DPP6: variants seen among roughly 807,000 people sequenced by gnomAD.
The protein encoded by DPP6 is dipeptidyl peptidase like 6, also known as A-type potassium channel modulatory protein DPP6.
A neutral mutation model predicts 122.6 loss-of-function variants in DPP6; 69 were observed. The observed-to-expected ratio is 0.56, with a 90% CI of 0.46 to 0.69. The LOEUF is 0.69. Ranked by LOEUF, DPP6 falls within the 30% of genes least tolerant of loss-of-function variation. The probability of loss-of-function intolerance (pLI) is 0.00; values close to 1 mark genes in which losing one functional copy is unlikely to be tolerated. For synonymous variants in DPP6, 418 were observed against 433.1 expected (o/e 0.97, Z 0.43); for missense variants, 928 against 1,116.9 (o/e 0.83, Z 2.41).
intron 1 of DPP6, among the ~76,000 whole-genome samples, chr7:154,307,528 A>G (rs1585887744): frequency 6.6e-6 from 1 of 152,048 alleles, no homozygotes; most frequent in East Asian, 1.9e-4. Flanking sequence ...AACAGCAGAG[A>G]TAAGATAAGC....
At chr7:154,597,132 G>T (rs1283467309) in intron 5 of DPP6, among the ~76,000 whole-genome samples, 1 of 151,140 alleles carries the variant, frequency 6.6e-6, no homozygotes, top group African/African-American at 2.4e-5. Flanking sequence ...TGTGATTTGA[G>T]TACAGTGAGA....
chr7:153,886,903 G>C (rs964007313), upstream of DPP6, among the ~76,000 whole-genome samples: 2 of 152,222 alleles, frequency 1.3e-5, no homozygotes, highest in Admixed American at 6.5e-5. Flanking sequence ...GGCTGCGGAC[G>C]GCGGCTCCAT....
At chr7:153,839,421 G>T in the DPP6 span, among the ~76,000 whole-genome samples, 1 of 152,184 alleles carries the variant, frequency 6.6e-6, no homozygotes, top group Non-Finnish European at 1.5e-5. Context: ...GCAATGCAAT[G>T]GTGAGGAATG....
intron 4 of DPP6, among the ~76,000 whole-genome samples, chr7:154,542,603 T>C (rs982384720): frequency 6.6e-6 from 1 of 152,226 alleles, no homozygotes; most frequent in African/African-American, 2.4e-5. Context: ...CCACCATGGG[T>C]AAAGAAAAGT....
intron 3 of DPP6, among the ~76,000 whole-genome samples, chr7:154,494,311 G>A (rs961569468): frequency 6.6e-6 from 1 of 151,340 alleles, no homozygotes; most frequent in Non-Finnish European, 1.5e-5. Context: ...GGCTGACATC[G>A]CACCACTGCA....
At chr7:154,792,308 T>C (rs1468599395) in intron 10 of DPP6, among the ~76,000 whole-genome samples, 1 of 152,276 alleles carries the variant, frequency 6.6e-6, no homozygotes, top group Non-Finnish European at 1.5e-5. Context: ...CTGATGGTTT[T>C]ATAAATGGCA....
At chr7:154,556,164 A>G (rs1408096779) in intron 4 of DPP6, among the ~76,000 whole-genome samples, 1 of 152,220 alleles carries the variant, frequency 6.6e-6, no homozygotes. Context: ...TTGAATACTT[A>G]TTATGTACCA....
At chr7:154,235,309 C>T (rs1184899093) in intron 1 of DPP6, among the ~76,000 whole-genome samples, 2 of 152,164 alleles carry the variant, frequency 1.3e-5, no homozygotes, top group African/African-American at 2.4e-5. Flanking sequence ...CCCTGAGCGT[C>T]ATGTTTTCAA....
At chr7:154,205,240 C>T (rs547599061) in intron 1 of DPP6, among the ~76,000 whole-genome samples, 8 of 152,068 alleles carry the variant, frequency 5.3e-5, no homozygotes, top group Non-Finnish European at 1.0e-4. Flanking sequence ...TCCCCAGTTT[C>T]CTCCAGTGGT....
intron 5 of DPP6, among the ~76,000 whole-genome samples, chr7:154,634,663 CTCCTCT>C (rs1352797951): frequency 6.6e-6 from 1 of 151,224 alleles, no homozygotes; most frequent in Non-Finnish European, 1.5e-5. Context: ...CCTCCTCTTC[CTCCTCT>C]TCCCCTTCTC....
intron 1 of DPP6, among the ~76,000 whole-genome samples, chr7:154,066,046 T>TG (rs1358935485): frequency 8.8e-5 from 13 of 147,786 alleles, no homozygotes; most frequent in Non-Finnish European, 1.6e-4. Flanking sequence ...CAGATTTGTT[T>TG]TTTTTTTTTT....
At chr7:154,432,879 G>A (rs1281080954) in intron 1 of DPP6, among the ~76,000 whole-genome samples, 1 of 152,124 alleles carries the variant, frequency 6.6e-6, no homozygotes, top group African/African-American at 2.4e-5. Flanking sequence ...CTCATATAAT[G>A]TGTACTCATA....
rs78742604 is a variant in DPP6 at position 154,875,763 on chromosome 7, A to G, written c.1884-143A>G. On this transcript the variant is annotated intron_variant, in intron 19 of 25. Transcript: ENST00000377770. This position sits in a 1 kb window ranked among gnomAD's most constrained non-coding sequence, Gnocchi z 4.5. The stretch of plus-strand genomic sequence containing the variant: ...ACACCTGGCTCACCTGCCCGGGGCA[A>G]CAGAATCTGGGGTATGGAGTTGAGC... 0.024 allele frequency: 30,603 copies of G among 1,255,226 alleles called. 745 individuals are homozygous for G. The highest frequency in any genetic ancestry group is 0.12 in the African/African-American group (7,987 of 66,636). 77.8% of individuals were successfully genotyped at this position (1,255,226 alleles called of 1,614,324 possible). A position where few individuals can be genotyped will look rare whatever the true frequency, so the allele number is the denominator to read the frequency against.
rs73483850 is a variant in DPP6 at position 154,560,754 on chromosome 7, G to T, written c.553-6088G>T. On this transcript the variant is annotated intron_variant, in intron 4 of 25. Transcript: ENST00000377770. Reference sequence around the variant, plus strand: ...AAAAGTTAACCAGGTATGATGGTGGGCGCCTGTTATCCCAGCAGCTCGGGA... The same window carrying T: ...AAAAGTTAACCAGGTATGATGGTGGTCGCCTGTTATCCCAGCAGCTCGGGA... Among the ~76,000 whole-genome samples, 1,353 of 151,958 alleles carry T rather than the reference G, an allele frequency of 8.9e-3. 20 individuals are homozygous for T. The highest frequency in any genetic ancestry group is 0.029 in the African/African-American group (1,216 of 41,422).
chr7:154,075,037 A>G (rs1016154451), intron 1 of DPP6, among the ~76,000 whole-genome samples: 7 of 152,042 alleles, frequency 4.6e-5, no homozygotes, highest in Admixed American at 3.9e-4. Flanking sequence ...CAAATGGCCA[A>G]CAAACATATG....
At chr7:154,158,402 A>G (rs1020279949) in intron 1 of DPP6, among the ~76,000 whole-genome samples, 22 of 150,974 alleles carry the variant, frequency 1.5e-4, no homozygotes, top group Non-Finnish European at 1.5e-4. Context: ...CAGCCTGTCT[A>G]TTGGCTCTAA....
chr7:154,500,775 A>G (rs1172693145), intron 3 of DPP6, among the ~76,000 whole-genome samples: 3 of 152,218 alleles, frequency 2.0e-5, no homozygotes, highest in South Asian at 2.1e-4. Flanking sequence ...GTAAATTGGT[A>G]CCAGTAGAGT....
chr7:154,417,886 G>A (rs1382659057), intron 1 of DPP6, among the ~76,000 whole-genome samples: 2 of 152,156 alleles, frequency 1.3e-5, no homozygotes, highest in Non-Finnish European at 2.9e-5. Context: ...ATTCTTCACT[G>A]TTTTGCCAAA....
intron 1 of DPP6, among the ~76,000 whole-genome samples, chr7:154,341,216 G>A (rs1314045344): frequency 6.6e-6 from 1 of 152,104 alleles, no homozygotes; most frequent in East Asian, 1.9e-4. Flanking sequence ...TGGGGCGAAA[G>A]GTGAAGGTGT....
Sources: gnomAD v4.1 joint callset for allele counts (sites outside exome capture counted in the v4.1 genomes callset) on GRCh38, gnomAD v4.1.1 for gene constraint, Gnocchi (gnomAD v3.1) non-coding constraint, MANE v1.5 for transcripts, NCBI Gene and HGNC (gene_info 2026-07-23, HGNC 2026-07-21) for gene names.